Variants in ITSN1 observed in about 807,000 individuals in gnomAD.
ITSN1 encodes intersectin 1, also known as intersectin-1.
A neutral mutation model predicts 239.8 loss-of-function variants in ITSN1; 58 were observed. The observed-to-expected ratio is 0.24, with a 90% CI of 0.20 to 0.30. The LOEUF is 0.30. ITSN1 is among the 10% of genes least tolerant of loss of function. The probability of loss-of-function intolerance (pLI) is 1.00; values close to 1 mark genes in which losing one functional copy is unlikely to be tolerated. For missense variants in ITSN1, 1,558 were observed against 2,103.3 expected, an observed-to-expected ratio of 0.74 and a Z score of 5.07; for synonymous variants, 780 against 770.8, an observed-to-expected ratio of 1.01 and a Z score of -0.20.
At chr21:33,817,192 A>G in intron 22 of ITSN1, 1 of 1,266,472 alleles carries the variant, frequency 7.9e-7, no homozygotes, top group South Asian at 1.3e-5. Flanking sequence ...TTAATGCTAT[A>G]GCTTAAAAGA....
At chr21:33,831,800 T>G (rs1223263295) in intron 27 of ITSN1, among the ~76,000 whole-genome samples, 1 of 152,176 alleles carries the variant, frequency 6.6e-6, no homozygotes, top group Non-Finnish European at 1.5e-5. Flanking sequence ...CTGGAGAGTT[T>G]GCTGATGGAC....
intron 29 of ITSN1, among the ~76,000 whole-genome samples, chr21:33,847,637 G>A (rs1456300662): frequency 6.6e-6 from 1 of 152,134 alleles, no homozygotes; most frequent in Non-Finnish European, 1.5e-5. Flanking sequence ...AGCTTCAGAG[G>A]GCCCGAAGAG....
chr21:33,766,736 G>A (rs1388702213), intron 10 of ITSN1, among the ~76,000 whole-genome samples: 1 of 152,234 alleles, frequency 6.6e-6, no homozygotes, highest in Non-Finnish European at 1.5e-5. Flanking sequence ...GGAGCAAGCT[G>A]AGGAAACTGT....
chr21:33,651,741 T>C (rs947222867), intron 1 of ITSN1, among the ~76,000 whole-genome samples: 34 of 152,246 alleles, frequency 2.2e-4, no homozygotes, highest in Non-Finnish European at 4.0e-4. Flanking sequence ...CTATAGAAGC[T>C]GTTCTCTTTG....
intron 26 of ITSN1, among the ~76,000 whole-genome samples, chr21:33,827,739 AAAG>A (rs2074053441): frequency 6.6e-6 from 1 of 152,258 alleles, no homozygotes; most frequent in Non-Finnish European, 1.5e-5. Context: ...AAAAGAAAAG[AAAG>A]AAGCGGATGT....
chr21:33,719,556 G>A (rs1351989124), intron 2 of ITSN1, among the ~76,000 whole-genome samples: 1 of 152,132 alleles, frequency 6.6e-6, no homozygotes, highest in Admixed American at 6.5e-5. Context: ...GACATTTCTT[G>A]TTATGGTTTG....
At chr21:33,765,461 G>T (rs1445379183) in intron 9 of ITSN1, among the ~76,000 whole-genome samples, 1 of 152,170 alleles carries the variant, frequency 6.6e-6, no homozygotes, top group African/African-American at 2.4e-5. Context: ...CTGCAGTGAG[G>T]CTGCAGTGAA....
At chr21:33,860,873 T>C (rs1453209708) in intron 31 of ITSN1, among the ~76,000 whole-genome samples, 1 of 152,174 alleles carries the variant, frequency 6.6e-6, no homozygotes, top group East Asian at 1.9e-4. Context: ...TTGTCCTGCC[T>C]ACCATGCACG....
chr21:33,655,786 A>T (rs1221900971), intron 1 of ITSN1, among the ~76,000 whole-genome samples: 1 of 151,828 alleles, frequency 6.6e-6, no homozygotes, highest in Non-Finnish European at 1.5e-5. Flanking sequence ...TGAATCACAG[A>T]ATAGTTTACC....
intron 1 of ITSN1, among the ~76,000 whole-genome samples, chr21:33,704,659 A>G (rs1601738300): frequency 6.6e-6 from 1 of 152,300 alleles, no homozygotes; most frequent in East Asian, 1.9e-4. Context: ...TATTACTATT[A>G]AGGATCATGC....
intron 1 of ITSN1, among the ~76,000 whole-genome samples, chr21:33,695,779 C>A (rs1248644958): frequency 1.3e-5 from 2 of 152,220 alleles, no homozygotes; most frequent in Admixed American, 6.5e-5. Flanking sequence ...ACGTTCTTTT[C>A]TGTACTTTAA....
chr21:33,787,465 AC>A (rs958105157), intron 16 of ITSN1, among the ~76,000 whole-genome samples: 1 of 152,204 alleles, frequency 6.6e-6, no homozygotes, highest in African/African-American at 2.4e-5. Context: ...CCATAATGCT[AC>A]CTGTTCTAAA....
At chr21:33,861,214 G>A (rs938561158) in intron 31 of ITSN1, among the ~76,000 whole-genome samples, 5 of 152,138 alleles carry the variant, frequency 3.3e-5, no homozygotes, top group East Asian at 3.9e-4. Flanking sequence ...CTGTATTTGG[G>A]TGGCTGCATA....
chr21:33,788,883 C>T (rs1407044266), intron 16 of ITSN1, among the ~76,000 whole-genome samples: 1 of 152,164 alleles, frequency 6.6e-6, no homozygotes, highest in African/African-American at 2.4e-5. Flanking sequence ...GCCAGACGTT[C>T]AAGGCTATGA....
At position 33,718,360 on chromosome 21, in the gene ITSN1, A is replaced by T. The variant is rs567326954; in HGVS notation, c.-32-437A>T. Among the ~76,000 whole-genome samples the T allele has an allele frequency of 1.4e-3, 213 of 152,314 alleles. 1 individual carries two copies. The highest frequency in any genetic ancestry group is 4.6e-3 in the African/African-American group (191 of 41,584). ...TTCACAGAGTCCATAGGTTCAGCCT[A>T]CCATAGATTGAAAACATTTGGGGGA... On this transcript the variant is annotated intron_variant, in intron 1 of 39. Coordinates refer to ENST00000381318, the MANE Select transcript of ITSN1 (RefSeq NM_003024.3).
At chr21:33,722,073 A>AT (rs1768856865) in intron 3 of ITSN1, 1 of 151,634 alleles carries the variant, frequency 6.6e-6, no homozygotes, top group South Asian at 2.1e-4. Flanking sequence ...TGCCCAGCTT[A>AT]TTTTTTATAT....
At chr21:33,723,390 G>A (rs1380414566) in intron 4 of ITSN1, among the ~76,000 whole-genome samples, 2 of 152,266 alleles carry the variant, frequency 1.3e-5, no homozygotes, top group African/African-American at 4.8e-5. Context: ...CGAGGCGGGC[G>A]GATCACGAGG....
chr21:33,845,124 G>A lies in ITSN1; in HGVS notation c.3661+8492G>A, dbSNP rs139849489. On this transcript the variant is annotated intron_variant, in intron 29 of 39. Coordinates refer to ENST00000381318, the MANE Select transcript of ITSN1 (RefSeq NM_003024.3). ...ATGCCTAGAACTTTCAGGAGCAGGT[G>A]ACAAGCAGCAGAGAAATGAGTGGGG... 7.1e-3 allele frequency among the ~76,000 whole-genome samples: 1,087 copies of A among 152,106 alleles called. 9 individuals carry two copies. Among genetic ancestry groups the A allele is most frequent in the Non-Finnish European group, 0.01 (699 of 67,980 alleles).
chr21:33,677,501 A>G (rs1314236220), intron 1 of ITSN1, among the ~76,000 whole-genome samples: 1 of 151,930 alleles, frequency 6.6e-6, no homozygotes, highest in Non-Finnish European at 1.5e-5. Context: ...CACCATGTCC[A>G]GCTAATTTTT....
Sources: allele counts gnomAD v4.1 joint callset (sites outside exome capture counted in the v4.1 genomes callset), GRCh38; gene constraint gnomAD v4.1.1; transcripts MANE v1.5; gene names NCBI Gene and HGNC (gene_info 2026-07-23, HGNC 2026-07-21).